The following KIAA1217 variants were observed in gnomAD, a reference collection of about 807,000 sequenced individuals.
KIAA1217 encodes sickle tail protein homolog.
Under a neutral mutation model 163.9 loss-of-function variants are expected in KIAA1217, and 88 were observed. That is an observed-to-expected ratio of 0.54 (90% CI 0.45 to 0.64). The LOEUF (loss-of-function observed/expected upper bound fraction) is 0.64. Ranked by LOEUF, KIAA1217 falls within the 30% of genes least tolerant of loss-of-function variation. KIAA1217 has a pLI of 0.00. For missense variants in KIAA1217, 2,372 were observed against 2,475.0 expected, an observed-to-expected ratio of 0.96 and a Z score of 0.88; for synonymous variants, 903 against 923.1, an observed-to-expected ratio of 0.98 and a Z score of 0.39.
At chr10:24,533,282 G>A (rs1224531490) in intron 16 of KIAA1217, 45 bp downstream of exon 16, 1 of 1,560,964 alleles carries the variant, frequency 6.4e-7, no homozygotes, top group South Asian at 1.2e-5. Flanking sequence ...CCTCCCGCCT[G>A]GGTCTCTCCA....
intron 2 of KIAA1217, among the ~76,000 whole-genome samples, chr10:24,020,649 C>T (rs1384192302): frequency 1.3e-5 from 2 of 151,962 alleles, no homozygotes; most frequent in African/African-American, 2.4e-5. Context: ...GAAGCCTTAT[C>T]GCTTGAGGTG....
chr10:23,800,404 C>T (rs974625751), intron 1 of KIAA1217, among the ~76,000 whole-genome samples: 5 of 151,974 alleles, frequency 3.3e-5, no homozygotes, highest in South Asian at 2.1e-4. Flanking sequence ...CCCTGTGGAC[C>T]TGTGCTTTCG....
intron 1 of KIAA1217, among the ~76,000 whole-genome samples, chr10:23,712,759 C>T (rs919272251): frequency 6.6e-6 from 1 of 152,198 alleles, no homozygotes. Context: ...TAAAGTTGTA[C>T]ATGTCACTGT....
intron 1 of KIAA1217, among the ~76,000 whole-genome samples, chr10:23,847,764 G>T (rs1228603638): frequency 1.3e-5 from 2 of 151,946 alleles, no homozygotes; most frequent in Non-Finnish European, 2.9e-5. Context: ...GCTGGTTTTT[G>T]AATTTGTTTG....
intron 2 of KIAA1217, among the ~76,000 whole-genome samples, chr10:24,362,226 C>T (rs931845648): frequency 9.9e-5 from 15 of 152,114 alleles, no homozygotes; most frequent in Non-Finnish European, 1.5e-4. Context: ...TCCATTGCCA[C>T]ACCAACTTGC....
intron 5 of KIAA1217, among the ~76,000 whole-genome samples, 191 bp from the exon 6 acceptor site, chr10:24,473,037 G>A (rs2063695121): frequency 6.6e-6 from 1 of 152,160 alleles, no homozygotes; most frequent in South Asian, 2.1e-4. Flanking sequence ...CCAGGATAAA[G>A]ATCTCCCATC....
intron 2 of KIAA1217, among the ~76,000 whole-genome samples, chr10:24,179,373 C>G (rs1376461506): frequency 6.6e-6 from 1 of 152,054 alleles, no homozygotes; most frequent in Non-Finnish European, 1.5e-5. Context: ...TGATAGACTT[C>G]TCATGAGATC....
In KIAA1217 at chr10:24,546,132, G is replaced by T; in HGVS notation, c.5640G>T (p.Pro1880=). The T allele has an allele frequency of 1.8e-5, 29 of 1,613,982 alleles. No homozygotes were observed. The highest frequency in any genetic ancestry group is 2.5e-5 in the Non-Finnish European group (29 of 1,179,968). ...TGKGHHLSFS[P]QSQNGRAPPP... Reference sequence around the variant, plus strand: ...AAGGTCACCATCTTTCATTCTCACCGCAGAGTCAAAATGGCCGAGCACCCC... The same window carrying T: ...AAGGTCACCATCTTTCATTCTCACCTCAGAGTCAAAATGGCCGAGCACCCC... Residue 1880 remains proline, a synonymous_variant, in exon 21 of 21, where the codon CCG becomes CCT. Transcript: ENST00000376454.
At chr10:24,299,465 C>T (rs556804902) in intron 2 of KIAA1217, among the ~76,000 whole-genome samples, 5 of 152,098 alleles carry the variant, frequency 3.3e-5, no homozygotes, top group African/African-American at 7.2e-5. Context: ...AGGCTCTGAT[C>T]GTAGCTCACT....
At position 24,473,465 on chromosome 10, in the gene KIAA1217, C is replaced by T; in HGVS notation, c.1084C>T (p.Pro362Ser). 3 of 1,614,196 alleles carry T rather than the reference C, an allele frequency of 1.9e-6. No homozygotes were observed. Among genetic ancestry groups the T allele is most frequent in the South Asian group, 2.2e-5 (2 of 91,074 alleles). ...CCTGCCAGTCTCCAGACCCATCTCT[C>T]CAAGCCCAAGCGCCATTTTAGAAAG... ...SSLPVSRPIS[P>S]SPSAILERRD... Residue 362 changes from proline (P) to serine (S), a missense_variant, in exon 6 of 21, where the codon CCA becomes TCA. Around this residue, in one of 3 missense-constraint regions of KIAA1217, gnomAD observed 1,431 missense variants for 1,470.3 expected, o/e 0.97. Coordinates refer to ENST00000376454, the MANE Select transcript of KIAA1217 (RefSeq NM_019590.5).
chr10:24,265,964 A>C (rs1313786467), intron 2 of KIAA1217, among the ~76,000 whole-genome samples: 1 of 152,156 alleles, frequency 6.6e-6, no homozygotes, highest in Non-Finnish European at 1.5e-5. Context: ...AAAGGAAAGG[A>C]AGGGGAAAGA....
intron 9 of KIAA1217, among the ~76,000 whole-genome samples, chr10:24,512,090 G>A (rs1274070317): frequency 2.0e-5 from 3 of 152,146 alleles, no homozygotes; most frequent in African/African-American, 7.2e-5. Flanking sequence ...TGCTGATGTT[G>A]GGACCTAATG....
chr10:23,891,580 CAGGCAG>C (rs1156480899), intron 1 of KIAA1217, among the ~76,000 whole-genome samples: 2 of 151,926 alleles, frequency 1.3e-5, no homozygotes, highest in Non-Finnish European at 2.9e-5. Flanking sequence ...AAATTGTCCC[CAGGCAG>C]AATTCTAAGG....
At chr10:23,896,366 G>C (rs556431983) in intron 1 of KIAA1217, among the ~76,000 whole-genome samples, 3 of 152,066 alleles carry the variant, frequency 2.0e-5, no homozygotes, top group Admixed American at 6.6e-5. Flanking sequence ...CGCATCACAC[G>C]CTGTCGAGAG....
intron 2 of KIAA1217, among the ~76,000 whole-genome samples, chr10:24,316,856 T>C (rs2043444194): frequency 6.6e-6 from 1 of 152,202 alleles, no homozygotes; most frequent in African/African-American, 2.4e-5. Context: ...TGGTCTTCTA[T>C]GGAGAAAGGC....
At chr10:23,921,166 C>G (rs545635632) in intron 1 of KIAA1217, among the ~76,000 whole-genome samples, 2 of 152,310 alleles carry the variant, frequency 1.3e-5, no homozygotes, top group African/African-American at 4.8e-5. Context: ...ACATCACTCT[C>G]TTTATATAGA....
intron 9 of KIAA1217, among the ~76,000 whole-genome samples, 189 bp from the exon 10 acceptor site, chr10:24,513,070 C>T (rs1350184146): frequency 6.6e-6 from 1 of 152,186 alleles, no homozygotes; most frequent in African/African-American, 2.4e-5. Context: ...AGTTGGCTGC[C>T]AAAATTCAGA....
At chr10:24,278,043 C>T (rs564677884) in intron 2 of KIAA1217, among the ~76,000 whole-genome samples, 7 of 152,234 alleles carry the variant, frequency 4.6e-5, no homozygotes, top group African/African-American at 9.6e-5. Context: ...AGCTCGAGGA[C>T]GCCGTCATGG....
chr10:24,124,596 TA>T (rs1454692443), intron 2 of KIAA1217, among the ~76,000 whole-genome samples: 3 of 152,160 alleles, frequency 2.0e-5, no homozygotes, highest in Non-Finnish European at 4.4e-5. Flanking sequence ...TTTATCAGGT[TA>T]ATAGCTTCCC....
Sources: gnomAD v4.1 joint callset for allele counts (sites outside exome capture counted in the v4.1 genomes callset) on GRCh38, gnomAD v4.1.1 for gene constraint, gnomAD v4.1.1 regional missense constraint, MANE v1.5 for transcripts, NCBI Gene and HGNC (gene_info 2026-07-23, HGNC 2026-07-21) for gene names.